COCH: variants seen among roughly 807,000 people sequenced by gnomAD.
The protein encoded by COCH is coagulation factor C homolog, cochlin (Limulus polyphemus).
In COCH, 40 loss-of-function variants were observed where a neutral mutation model predicts 54.8. That is an observed-to-expected ratio of 0.73 (90% CI 0.57 to 0.95). The LOEUF (loss-of-function observed/expected upper bound fraction) is 0.95. Among genes scored for constraint, COCH ranks in the 40% least tolerant of loss-of-function variants. COCH has a pLI of 0.00. For missense variants in COCH, 605 were observed against 675.0 expected (o/e 0.90, Z 1.15); for synonymous variants, 256 against 237.9 (o/e 1.08, Z -0.70).
chr14:30,875,233 C>T (rs1895313950), intron 3 of COCH, 130 bp downstream of exon 3: 4 of 1,252,392 alleles, frequency 3.2e-6, no homozygotes, highest in Non-Finnish European at 4.4e-6. Context: ...AAGGTTGAGC[C>T]GCCGCGTGGC....
chr14:30,887,430 C>T (rs1021638069), intron 11 of COCH, among the ~76,000 whole-genome samples: 3 of 151,782 alleles, frequency 2.0e-5, no homozygotes, highest in Non-Finnish European at 4.4e-5. Context: ...ACTTTTTCCC[C>T]CCCGCTTAAG....
intron 9 of COCH, 76 bp downstream of exon 9, chr14:30,884,732 C>T: frequency 7.5e-7 from 1 of 1,328,376 alleles, no homozygotes; most frequent in Non-Finnish European, 1.1e-6. Context: ...CAGTATTATG[C>T]TATTTTATAT....
chr14:30,877,851 A>T lies in COCH; in HGVS notation c.239+123A>T, dbSNP rs1255929911. The T allele has an allele frequency of 6.6e-7, 1 of 1,506,772 alleles. No homozygotes were observed. Among genetic ancestry groups the T allele is most frequent in the Non-Finnish European group, 9.0e-7 (1 of 1,111,742 alleles). 93.3% of individuals were successfully genotyped at this position (1,506,772 alleles called of 1,614,324 possible). ...TTTTGTTGCCATTGTGGCCACAGAAAATGGATATATTTTCACGGTTCTCCT... is the reference window on the plus strand; with the variant it reads ...TTTTGTTGCCATTGTGGCCACAGAATATGGATATATTTTCACGGTTCTCCT... On this transcript the variant is annotated intron_variant, in intron 4 of 11. Transcript: ENST00000396618. This position sits in a 1 kb window ranked among gnomAD's most constrained non-coding sequence, Gnocchi z 8.6.
Position 30,886,172 on chromosome 14 carries a change from C to T in COCH, c.1337C>T (p.Thr446Ile). 2 of 1,610,490 alleles carry T rather than the reference C, an allele frequency of 1.2e-6. No individual in the cohort carries two copies. Among genetic ancestry groups the T allele is most frequent in the Non-Finnish European group, 1.7e-6 (2 of 1,177,218 alleles). ...CGCTATATGAGTGGTGGAACAGCTA[C>T]TGGTGATGCCATTTCCTTCACTGTT... The part of the protein sequence containing the change: ...NIRYMSGGTA[T>I]GDAISFTVRN... Residue 446 changes from threonine to isoleucine, a missense_variant, in exon 11 of 12, where the codon ACT becomes ATT. Thr to Ile is a moderately conservative substitution (Grantham distance 89, BLOSUM62 -1). Transcript: ENST00000396618.
intron 1 of COCH, 23 bp from the exon 2 acceptor site, chr14:30,874,893 C>T (rs1023389279): frequency 5.6e-6 from 9 of 1,610,550 alleles, no homozygotes; most frequent in Non-Finnish European, 7.6e-6. Context: ...CCTGGCCTTG[C>T]CCGCATTCTC....
At chr14:30,884,487 G>C in intron 8 of COCH, 66 bp from the exon 9 acceptor site, 2 of 1,070,230 alleles carry the variant, frequency 1.9e-6, no homozygotes, top group Non-Finnish European at 1.4e-6. Flanking sequence ...GTTTTTTAAG[G>C]CATGTAATGT....
intron 3 of COCH, chr14:30,875,320 GT>G: frequency 1.5e-6 from 1 of 653,466 alleles, no homozygotes; most frequent in Non-Finnish European, 2.6e-6. Context: ...CTGGGGTCCA[GT>G]GGGGGGACGT....
At chr14:30,891,638 CCAGT>C (rs1229212448), downstream of COCH, among the ~76,000 whole-genome samples, 2 of 152,030 alleles carry the variant, frequency 1.3e-5, no homozygotes, top group Non-Finnish European at 2.9e-5. Flanking sequence ...TGATTTTTCC[CCAGT>C]AAGTAGACCA....
intron 4 of COCH, among the ~76,000 whole-genome samples, chr14:30,878,364 T>G (rs533441227): frequency 6.6e-6 from 1 of 152,326 alleles, no homozygotes; most frequent in South Asian, 2.1e-4. Flanking sequence ...AGCAAGTTTT[T>G]AAAAGGCTAG....
Position 30,884,637 on chromosome 14 carries a change from A to AT in COCH, c.714_715insT (p.Gly239TrpfsTer3), listed in dbSNP as rs1298826188. 1 of 1,612,102 alleles carries AT rather than the reference A, an allele frequency of 6.2e-7. No individual in the cohort carries two copies. The highest frequency in any genetic ancestry group is 2.2e-5 in the East Asian group (1 of 44,794). On this transcript the variant is annotated frameshift_variant, in exon 9 of 12. Coordinates refer to ENST00000396618, the MANE Select transcript of COCH (RefSeq NM_004086.3). LOFTEE classifies it high-confidence loss of function. Reference sequence around the variant, plus strand: ...TTGCCATAAAGGAAGTAGGTTTCAGAGGGGGTAATTCCAATACAGGTAAGT... The same window carrying AT: ...TTGCCATAAAGGAAGTAGGTTTCAGATGGGGGTAATTCCAATACAGGTAAGT...
intron 8 of COCH, 54 bp downstream of exon 8, chr14:30,880,788 C>A (rs376922057): frequency 4.6e-6 from 6 of 1,301,562 alleles, no homozygotes; most frequent in Admixed American, 3.4e-5. Context: ...TTGTAATTGA[C>A]ACATAATAAT....
downstream of COCH, chr14:30,895,258 T>G: frequency 1.3e-6 from 1 of 762,896 alleles, no homozygotes; most frequent in Non-Finnish European, 2.0e-6. Flanking sequence ...GAGCTTGACA[T>G]TAAGATGTGA....
downstream of COCH, chr14:30,894,091 T>C (rs1172949727): frequency 1.3e-5 from 2 of 152,558 alleles, no homozygotes; most frequent in African/African-American, 4.8e-5. Flanking sequence ...AATCATGCAT[T>C]ACACAAACAA....
chr14:30,879,288 C>G, intron 5 of COCH, 135 bp from the exon 6 acceptor site: 1 of 882,572 alleles, frequency 1.1e-6, no homozygotes, highest in Non-Finnish European at 1.8e-6. Context: ...CTGAAACTAG[C>G]ATGCAGCAGG....
At chr14:30,875,181 GCCCCTTGGGCTTCAGCCCT>G in intron 3 of COCH, 78 bp downstream of exon 3, 1 of 1,529,548 alleles carries the variant, frequency 6.5e-7, no homozygotes. Context: ...CTCAGATCCA[GCCCCTTGGGCTTCAGCCCT>G]ACCGCCTGAG....
chr14:30,895,282 G>C (rs1236493778), downstream of COCH: 6 of 880,094 alleles, frequency 6.8e-6, no homozygotes, highest in Admixed American at 6.2e-5. Flanking sequence ...CCACCAATTT[G>C]TGCCTGCCCC....
At chr14:30,894,893 CTT>C (rs34255465), downstream of COCH, 2,644 of 736,464 alleles carry the variant, frequency 3.6e-3, no homozygotes, top group East Asian at 7.2e-3. Flanking sequence ...TTTTCTTTTT[CTT>C]TTTTTTTTTT....
At chr14:30,887,709 C>T (rs1566414746) in intron 11 of COCH, among the ~76,000 whole-genome samples, 1 of 152,178 alleles carries the variant, frequency 6.6e-6, no homozygotes, top group East Asian at 1.9e-4. Context: ...TAACCTTTTT[C>T]CTTTCTACAC....
chr14:30,892,983 T>G (rs1896022634), downstream of COCH, among the ~76,000 whole-genome samples: 1 of 152,154 alleles, frequency 6.6e-6, no homozygotes, highest in Admixed American at 6.5e-5. Context: ...TTTCTAGTGT[T>G]CCCTTCTAAT....
Sources: allele counts gnomAD v4.1 joint callset (sites outside exome capture counted in the v4.1 genomes callset), GRCh38; gene constraint gnomAD v4.1.1; non-coding constraint Gnocchi (gnomAD v3.1); transcripts MANE v1.5; gene names NCBI Gene and HGNC (gene_info 2026-07-23, HGNC 2026-07-21).